IL1RAPL1: variants seen among roughly 807,000 people sequenced by gnomAD.
IL1RAPL1 encodes interleukin 1 receptor accessory protein like 1.
In IL1RAPL1, 3 loss-of-function variants were observed where a neutral mutation model predicts 48.4. That is an observed-to-expected ratio of 0.06 (90% CI 0.03 to 0.16). IL1RAPL1 has a LOEUF of 0.16. IL1RAPL1 is among the 10% of genes least tolerant of loss of function. The pLI is 1.00. For missense variants in IL1RAPL1, 349 were observed against 530.6 expected, an observed-to-expected ratio of 0.66 and a Z score of 3.36; for synonymous variants, 185 against 187.7, an observed-to-expected ratio of 0.99 and a Z score of 0.12.
In IL1RAPL1 at chrX:29,510,734, A is replaced by G. The variant is rs1350167105; in HGVS notation, c.703+111426A>G. Among the ~76,000 whole-genome samples, 6 of 111,512 alleles carry G rather than the reference A, an allele frequency of 5.4e-5. 1 individual carries two copies. The highest frequency in any genetic ancestry group is 1.1e-4 in the Non-Finnish European group (6 of 53,064). Reference sequence around the variant, plus strand: ...CATCCTTAGGTCTTACTACCCTCCAATACAAACACTTTCTTCTAGTCATAC... The same window carrying G: ...CATCCTTAGGTCTTACTACCCTCCAGTACAAACACTTTCTTCTAGTCATAC... On this transcript the variant is annotated intron_variant, in intron 5 of 10. Coordinates refer to ENST00000378993, the MANE Select transcript of IL1RAPL1 (RefSeq NM_014271.4).
chrX:28,679,037 A>C (rs748524773), intron 1 of IL1RAPL1, among the ~76,000 whole-genome samples: 22 of 111,888 alleles, frequency 2.0e-4, no homozygotes, highest in Non-Finnish European at 3.8e-4. Flanking sequence ...TGGCTGTGCT[A>C]ATTCACATTC....
chrX:29,596,404 T>C (rs1053052375), intron 5 of IL1RAPL1, among the ~76,000 whole-genome samples: 4 of 112,363 alleles, frequency 3.6e-5, no homozygotes, highest in African/African-American at 1.3e-4. Flanking sequence ...CTATGATTTC[T>C]TTCAGCAGCG....
chrX:28,819,988 A>C (rs1936916694), intron 2 of IL1RAPL1, among the ~76,000 whole-genome samples: 3 of 78,303 alleles, frequency 3.8e-5, no homozygotes, highest in South Asian at 1.4e-3. Context: ...ATATATATAT[A>C]TATATATATA....
At chrX:29,505,884 T>G in intron 5 of IL1RAPL1, among the ~76,000 whole-genome samples, 1 of 111,899 alleles carries the variant, frequency 8.9e-6, no homozygotes, top group Middle Eastern at 4.6e-3. Context: ...TTGGTCTTTT[T>G]AAGTAATTTT....
At chrX:29,041,504 G>A (rs776243169) in intron 2 of IL1RAPL1, among the ~76,000 whole-genome samples, 3 of 111,969 alleles carry the variant, frequency 2.7e-5, no homozygotes, top group Non-Finnish European at 5.6e-5. Flanking sequence ...AAATTTTACA[G>A]TTAAACGATG....
intron 8 of IL1RAPL1, among the ~76,000 whole-genome samples, chrX:29,922,946 C>T (rs775925161): frequency 4.5e-5 from 5 of 111,009 alleles, no homozygotes; most frequent in African/African-American, 1.3e-4. Flanking sequence ...GAATACTGAT[C>T]TTGTATACCA....
chrX:29,348,937 T>G, intron 3 of IL1RAPL1, among the ~76,000 whole-genome samples: 1 of 111,971 alleles, frequency 8.9e-6, no homozygotes, highest in Non-Finnish European at 1.9e-5. Context: ...TGATTTGAAC[T>G]TTGAGTCTAT....
intron 2 of IL1RAPL1, among the ~76,000 whole-genome samples, chrX:28,891,458 A>G (rs1922768856): frequency 9.0e-6 from 1 of 111,582 alleles, no homozygotes; most frequent in Non-Finnish European, 1.9e-5. Flanking sequence ...GTCAATCCCT[A>G]TCCCCCTTTC....
chrX:28,792,705 G>A (rs1468948054), intron 2 of IL1RAPL1, among the ~76,000 whole-genome samples: 30 of 92,605 alleles, frequency 3.2e-4, no homozygotes, highest in South Asian at 1.2e-3. Flanking sequence ...GGAGAATGGC[G>A]TGAACCCGGG....
At chrX:28,726,228 T>C (rs1935675038) in intron 1 of IL1RAPL1, among the ~76,000 whole-genome samples, 1 of 112,188 alleles carries the variant, frequency 8.9e-6, no homozygotes, top group Non-Finnish European at 1.9e-5. Flanking sequence ...AAATGAGGTA[T>C]ATAATCTGAG....
intron 5 of IL1RAPL1, among the ~76,000 whole-genome samples, chrX:29,455,105 C>A (rs1934723591): frequency 9.0e-6 from 1 of 111,237 alleles, no homozygotes; most frequent in South Asian, 3.8e-4. Flanking sequence ...GCATAAATAG[C>A]TAATGCATGC....
At chrX:28,717,938 TCTC>T (rs1279170609) in intron 1 of IL1RAPL1, among the ~76,000 whole-genome samples, 1 of 111,776 alleles carries the variant, frequency 8.9e-6, no homozygotes, top group Non-Finnish European at 1.9e-5. Context: ...AGGCTGATCT[TCTC>T]TGAAAATGTT....
intron 6 of IL1RAPL1, among the ~76,000 whole-genome samples, chrX:29,684,673 C>T (rs1397939150): frequency 3.6e-5 from 4 of 111,484 alleles, no homozygotes; most frequent in Non-Finnish European, 5.6e-5. Flanking sequence ...CACTGATCTT[C>T]GAGCATGAAG....
chrX:28,684,456 T>C (rs939257707), intron 1 of IL1RAPL1, among the ~76,000 whole-genome samples: 22 of 112,151 alleles, frequency 2.0e-4, no homozygotes, highest in African/African-American at 7.1e-4. Context: ...CTTCATCATG[T>C]TTAACATCCT....
intron 5 of IL1RAPL1, among the ~76,000 whole-genome samples, chrX:29,631,570 C>T (rs773413062): frequency 9.8e-5 from 11 of 112,427 alleles, no homozygotes; most frequent in African/African-American, 3.5e-4. Flanking sequence ...GCATGACCCA[C>T]CATACCTGGC....
At chrX:29,373,761 C>A (rs899558522) in intron 3 of IL1RAPL1, among the ~76,000 whole-genome samples, 1 of 108,192 alleles carries the variant, frequency 9.2e-6, no homozygotes, top group Non-Finnish European at 1.9e-5. Context: ...CACCTTGCAT[C>A]CCAGGAACAA....
At chrX:29,186,862 A>T (rs962458076) in intron 2 of IL1RAPL1, among the ~76,000 whole-genome samples, 5 of 111,338 alleles carry the variant, frequency 4.5e-5, no homozygotes, top group African/African-American at 1.3e-4. Context: ...AGCATTTGAA[A>T]TTTTTTCTGC....
At chrX:29,334,006 G>A (rs1602177841) in intron 3 of IL1RAPL1, among the ~76,000 whole-genome samples, 1 of 92,907 alleles carries the variant, frequency 1.1e-5, no homozygotes, top group Non-Finnish European at 2.2e-5. Flanking sequence ...CGGACGGGGC[G>A]GCTGGCCGGG....
intron 5 of IL1RAPL1, among the ~76,000 whole-genome samples, chrX:29,613,281 TA>T (rs2147069440): frequency 8.9e-6 from 1 of 112,313 alleles, no homozygotes; most frequent in Admixed American, 9.4e-5. Flanking sequence ...ATTGATGAGA[TA>T]TTTTGTCTTT....
Sources: allele counts gnomAD v4.1 joint callset (sites outside exome capture counted in the v4.1 genomes callset), GRCh38; gene constraint gnomAD v4.1.1; transcripts MANE v1.5; gene names NCBI Gene and HGNC (gene_info 2026-07-23, HGNC 2026-07-21).